Variants in MYOF observed in about 807,000 individuals in gnomAD.
The protein encoded by MYOF is myoferlin.
In MYOF, 244 loss-of-function variants were observed where a neutral mutation model predicts 284.2. That is an observed-to-expected ratio of 0.86 (90% confidence interval 0.77 to 0.95). The LOEUF (loss-of-function observed/expected upper bound fraction) is 0.95, where lower values mean the gene tolerates loss of function less well. Among genes scored for constraint, MYOF ranks in the 40% least tolerant of loss-of-function variants. The probability of loss-of-function intolerance (pLI) is 0.00; values close to 1 mark genes in which losing one functional copy is unlikely to be tolerated. For synonymous variants in MYOF, 904 were observed against 919.7 expected, an observed-to-expected ratio of 0.98 and a Z score of 0.31; for missense variants, 2,496 against 2,560.6, an observed-to-expected ratio of 0.97 and a Z score of 0.54.
At chr10:93,396,796 T>A (rs1205320567) in intron 15 of MYOF, among the ~76,000 whole-genome samples, 1 of 152,242 alleles carries the variant, frequency 6.6e-6, no homozygotes, top group Non-Finnish European at 1.5e-5. Flanking sequence ...CAATCAGTGC[T>A]AGAAGGCTGG....
At chr10:93,335,519 T>C (rs563599115) in intron 41 of MYOF, among the ~76,000 whole-genome samples, 29 of 152,170 alleles carry the variant, frequency 1.9e-4, no homozygotes, top group African/African-American at 6.7e-4. Flanking sequence ...GAAAGCATGG[T>C]AGGGGCAGTA....
intron 4 of MYOF, among the ~76,000 whole-genome samples, chr10:93,428,089 A>G (rs74150233): frequency 0.012 from 1,751 of 152,176 alleles, 27 homozygotes; most frequent in African/African-American, 0.04. Flanking sequence ...ACGTACACAC[A>G]CACATATGCA....
intron 7 of MYOF, 126 bp from the exon 8 acceptor site, chr10:93,404,345 T>C (rs985904712): frequency 3.3e-6 from 3 of 901,776 alleles, no homozygotes; most frequent in Non-Finnish European, 5.2e-6. Context: ...GGTTTGACCA[T>C]GTGAACACAT....
At chr10:93,407,514 A>G (rs1467408029) in intron 7 of MYOF, among the ~76,000 whole-genome samples, 1 of 145,460 alleles carries the variant, frequency 6.9e-6, no homozygotes, top group African/African-American at 2.5e-5. Context: ...GTGGATGACG[A>G]GGTCAAGAGA....
At chr10:93,339,026 TTTTTTGA>T (rs1843751020) in intron 39 of MYOF, among the ~76,000 whole-genome samples, 3 of 134,812 alleles carry the variant, frequency 2.2e-5, no homozygotes, top group African/African-American at 7.8e-5. Context: ...TTTTTTTTTT[TTTTTTGA>T]GACGGAGTCT....
intron 42 of MYOF, 49 bp from the exon 43 acceptor site, chr10:93,333,361 G>A (rs1843427555): frequency 2.0e-6 from 3 of 1,519,354 alleles, no homozygotes; most frequent in Admixed American, 1.7e-5. Context: ...GGCGCAAGGT[G>A]AAGTCAAGTT....
chr10:93,437,093 C>A (rs1436397388), intron 3 of MYOF, among the ~76,000 whole-genome samples: 1 of 152,110 alleles, frequency 6.6e-6, no homozygotes, highest in Admixed American at 6.5e-5. Context: ...TGTCTTTCAG[C>A]CCACGAATGT....
At chr10:93,329,529 T>C in intron 44 of MYOF, 135 bp downstream of exon 44, 1 of 860,378 alleles carries the variant, frequency 1.2e-6, no homozygotes. Flanking sequence ...AGAATAATCC[T>C]GCGATTGAAA....
At chr10:93,375,880 G>A (rs570230748) in intron 22 of MYOF, among the ~76,000 whole-genome samples, 1 of 152,304 alleles carries the variant, frequency 6.6e-6, no homozygotes. Flanking sequence ...GCTAGAGCCA[G>A]AATTAGCCTT....
chr10:93,444,823 A>G (rs17481576), intron 3 of MYOF, among the ~76,000 whole-genome samples: 7,118 of 152,376 alleles, frequency 0.047, 224 homozygotes, highest in Non-Finnish European at 0.07. Flanking sequence ...AGGTTCTTGA[A>G]GATGGCACTT....
At chr10:93,466,332 C>T (rs556125539) in intron 1 of MYOF, among the ~76,000 whole-genome samples, 6 of 152,264 alleles carry the variant, frequency 3.9e-5, no homozygotes, top group African/African-American at 1.2e-4. Flanking sequence ...ATTTCTGAAA[C>T]AGTCACTGAT....
intron 43 of MYOF, among the ~76,000 whole-genome samples, chr10:93,331,909 A>G (rs920933746): frequency 5.3e-5 from 8 of 152,260 alleles, no homozygotes; most frequent in African/African-American, 1.7e-4. Context: ...AGAACAAAAC[A>G]TCATTTTCAC....
chr10:93,358,395 T>A (rs1223464482), intron 29 of MYOF, among the ~76,000 whole-genome samples: 1 of 152,212 alleles, frequency 6.6e-6, no homozygotes, highest in East Asian at 1.9e-4. Context: ...GTGTGGCGAT[T>A]CTTCAAAGAC....
rs559929091 is a variant in MYOF, at chr10:93,343,357, T to C, written c.4326+499A>G. On this transcript the variant is annotated intron_variant, in intron 38 of 53. Transcript: ENST00000359263. ...GTGTCCCATACACTGATAAATATGG[T>C]CATTAGAAATTTATCAAACAATTCT... Among the ~76,000 whole-genome samples, 7 of 152,280 alleles carry C rather than the reference T, an allele frequency of 4.6e-5. No homozygotes were observed. The South Asian group carries it at 1.0e-3, about 23-fold the overall frequency.
intron 3 of MYOF, among the ~76,000 whole-genome samples, chr10:93,446,072 G>GTTCC (rs2056418971): frequency 6.6e-6 from 1 of 152,208 alleles, no homozygotes; most frequent in Admixed American, 6.5e-5. Flanking sequence ...GTATTGGTTA[G>GTTCC]TTGGTGGAAA....
At chr10:93,336,848 A>AG (rs1382293544) in intron 40 of MYOF, among the ~76,000 whole-genome samples, 1 of 151,038 alleles carries the variant, frequency 6.6e-6, no homozygotes, top group East Asian at 1.9e-4. Context: ...CAGGAAGAAA[A>AG]GAAGGAAGGA....
chr10:93,388,666 T>C (rs1183627097), intron 18 of MYOF, among the ~76,000 whole-genome samples: 1 of 152,206 alleles, frequency 6.6e-6, no homozygotes, highest in Non-Finnish European at 1.5e-5. Flanking sequence ...TCTTCATCTA[T>C]GAAATGAAAG....
chr10:93,408,929 G>T lies in MYOF; in HGVS notation c.601-14C>A. 1 of 1,613,612 alleles carries T rather than the reference G, an allele frequency of 6.2e-7. No individual in the cohort carries two copies. Among genetic ancestry groups the T allele is most frequent in the Non-Finnish European group, 8.5e-7 (1 of 1,179,620 alleles). On this transcript the variant is annotated splice_polypyrimidine_tract_variant and intron_variant, in intron 6 of 53. Transcript: ENST00000359263. The stretch of plus-strand genomic sequence containing the variant: ...TCGGACGCGGATCTGCAGCACAGAA[G>T]GGGGATGGTTACCCAACCTTTCCCA...
intron 36 of MYOF, among the ~76,000 whole-genome samples, chr10:93,348,486 C>G (rs557644669): frequency 1.3e-5 from 2 of 152,214 alleles, no homozygotes; most frequent in South Asian, 4.1e-4. Context: ...TGGCTTGACA[C>G]AGGAATAGAA....
Sources: allele counts gnomAD v4.1 joint callset (sites outside exome capture counted in the v4.1 genomes callset), GRCh38; gene constraint gnomAD v4.1.1; transcripts MANE v1.5; gene names NCBI Gene and HGNC (gene_info 2026-07-23, HGNC 2026-07-21).